The following N4BP2 variants were observed in gnomAD, a reference collection of about 807,000 sequenced individuals.
The protein encoded by N4BP2 is NEDD4 binding protein 2.
Under a neutral mutation model 152.8 loss-of-function variants are expected in N4BP2, and 91 were observed. The observed-to-expected ratio is 0.60, with a 90% CI of 0.50 to 0.71. The LOEUF (loss-of-function observed/expected upper bound fraction) is 0.71, where lower values mean the gene tolerates loss of function less well. N4BP2 is among the 30% of genes least tolerant of loss of function. The pLI is 0.00. For missense variants in N4BP2, 1,923 were observed against 2,059.1 expected (o/e 0.93, Z 1.28); for synonymous variants, 646 against 705.3 (o/e 0.92, Z 1.33).
Position 40,117,326 on chromosome 4 carries a change from C to A in N4BP2, c.1665-543C>A, listed in dbSNP as rs547348452. On this transcript the variant is annotated intron_variant, in intron 7 of 17. Coordinates refer to ENST00000261435, the MANE Select transcript of N4BP2 (RefSeq NM_018177.6). ...AGATCGAGGTAGGTAAATATGAAAG[C>A]CAGATTTGCCCAACTGGCAAATGCA... 2.0e-5 allele frequency among the ~76,000 whole-genome samples: 3 copies of A among 152,190 alleles called. No homozygotes were observed. In the South Asian group the frequency reaches 6.2e-4, roughly 31 times the overall value.
intron 14 of N4BP2, among the ~76,000 whole-genome samples, chr4:40,137,873 TG>T (rs1719549005): frequency 6.6e-6 from 1 of 152,190 alleles, no homozygotes; most frequent in Admixed American, 6.5e-5. Flanking sequence ...CCTGGTTGTC[TG>T]ATACTCGGGG....
chr4:40,121,914 A>G lies in N4BP2; in HGVS notation c.3803A>G (p.Asn1268Ser), dbSNP rs954799225. Reference sequence around the variant, plus strand: ...AAAGATATGAGTGAAACAGAAAAAAACCTAGTAGTCACAGAGACTGGAGAC... The same window carrying G: ...AAAGATATGAGTGAAACAGAAAAAAGCCTAGTAGTCACAGAGACTGGAGAC... ...TPKDMSETEKNLVVTETGDNI... is the reference protein window; with the variant it reads ...TPKDMSETEKSLVVTETGDNI... Residue 1268 changes from asparagine to serine, a missense_variant, in exon 9 of 18, where the codon AAC becomes AGC. Physicochemically the swap from Asn to Ser is conservative, Grantham distance 46 (BLOSUM62 1). Transcript: ENST00000261435. The G allele has an allele frequency of 5.0e-6, 8 of 1,593,002 alleles. No homozygotes were observed. Among genetic ancestry groups the G allele is most frequent in the South Asian group, 1.1e-5 (1 of 88,082 alleles).
intron 12 of N4BP2, among the ~76,000 whole-genome samples, chr4:40,129,020 T>G (rs982169257): frequency 5.9e-5 from 9 of 152,122 alleles, no homozygotes; most frequent in Non-Finnish European, 1.2e-4. Flanking sequence ...TACTCCTTTT[T>G]TTTGCTATCA....
At chr4:40,108,668 G>C (rs1049208565) in intron 5 of N4BP2, among the ~76,000 whole-genome samples, 2 of 152,160 alleles carry the variant, frequency 1.3e-5, no homozygotes, top group African/African-American at 4.8e-5. Flanking sequence ...TCTCTAAACT[G>C]AATCTGTGGG....
chr4:40,097,532 T>C lies in N4BP2; in HGVS notation c.192T>C (p.Asp64=), dbSNP rs1188117554. The change falls in exon 3 of 18, where the codon GAT becomes GAC. Residue 64 remains aspartate (D), a synonymous_variant. Transcript: ENST00000261435. ...ISEIFSDLDP[D]VVYLMLSECD... ...AGATATTTTCTGATCTGGATCCTGA[T>C]GTAGTGTATTTGATGCTTTCTGAAT... is the stretch of plus-strand genomic sequence containing the variant. 6.2e-7 allele frequency: 1 copy of C among 1,613,518 alleles called. No homozygotes were observed. Among genetic ancestry groups the C allele is most frequent in the African/African-American group, 1.3e-5 (1 of 74,924 alleles).
chr4:40,109,339 T>G (rs1468835784), intron 5 of N4BP2, among the ~76,000 whole-genome samples: 2 of 152,202 alleles, frequency 1.3e-5, no homozygotes, highest in African/African-American at 4.8e-5. Context: ...TTACTTATAC[T>G]TTCCAAGGCC....
At chr4:40,144,084 G>T (rs1052531452) in intron 15 of N4BP2, among the ~76,000 whole-genome samples, 3 of 152,080 alleles carry the variant, frequency 2.0e-5, no homozygotes, top group Non-Finnish European at 4.4e-5. Context: ...GAGGCAGCTG[G>T]TGCAGGTTCC....
chr4:40,188,300 A>G, the N4BP2 span, among the ~76,000 whole-genome samples: 1 of 146,226 alleles, frequency 6.8e-6, no homozygotes, highest in Non-Finnish European at 1.5e-5. Flanking sequence ...AAGGTAGACT[A>G]TGGAATCACA....
rs749755513 is a variant in N4BP2 at position 40,144,785 on chromosome 4, G to C, written c.5128G>C (p.Glu1710Gln). ...EALEHLMRVL[E>Q]KKTEEFKQNG... Reference sequence around the variant, plus strand: ...TCTAGAACATTTGATGAGAGTTTTAGAGAAGAAGACTGAAGGTAGGACTGT... The same window carrying C: ...TCTAGAACATTTGATGAGAGTTTTACAGAAGAAGACTGAAGGTAGGACTGT... The change falls in exon 16 of 18, where the codon GAG becomes CAG. Residue 1710 changes from glutamate (E) to glutamine (Q), a missense_variant. By Grantham distance (29) the Glu-to-Gln change is conservative. Transcript: ENST00000261435. The C allele has an allele frequency of 6.2e-7, 1 of 1,611,234 alleles. No individual in the cohort carries two copies. The highest frequency in any genetic ancestry group is 1.3e-5 in the African/African-American group (1 of 74,946).
chr4:40,188,982 TA>T, the N4BP2 span, among the ~76,000 whole-genome samples: 6 of 150,510 alleles, frequency 4.0e-5, no homozygotes, highest in South Asian at 1.3e-3. Context: ...CCGTCTCTAC[TA>T]AAAATACAAA....
At chr4:40,101,466 A>G (rs763593035) in intron 3 of N4BP2, among the ~76,000 whole-genome samples, 3 of 152,222 alleles carry the variant, frequency 2.0e-5, no homozygotes, top group Non-Finnish European at 2.9e-5. Flanking sequence ...AAAAGTGTGC[A>G]TTATTTAATC....
At chr4:40,113,378 T>C (rs1717067307) in intron 6 of N4BP2, 54 bp from the exon 7 acceptor site, 2 of 1,289,344 alleles carry the variant, frequency 1.6e-6, no homozygotes, top group Non-Finnish European at 2.2e-6. Flanking sequence ...AAACAATAAT[T>C]TTAATTTCTT....
At position 40,102,237 on chromosome 4, in the gene N4BP2, A is replaced by T. The variant is rs758757611; in HGVS notation, c.392A>T (p.Asp131Val). The part of the protein sequence containing the change: ...PEEESEDSKM[D>V]SFLDMQLTED... The stretch of plus-strand genomic sequence containing the variant: ...GAAGAGAGTGAAGATTCAAAAATGG[A>T]TTCATTTTTGGACATGCAGCTAACT... Residue 131 changes from aspartate (D) to valine (V), a missense_variant, in exon 4 of 18, where the codon GAT (aspartate) becomes GTT (valine). By Grantham distance (152) the Asp-to-Val change is radical. Coordinates refer to ENST00000261435, the MANE Select transcript of N4BP2 (RefSeq NM_018177.6). 1 of 1,613,990 alleles carries T rather than the reference A, an allele frequency of 6.2e-7. No individual in the cohort carries two copies. The highest frequency in any genetic ancestry group is 1.1e-5 in the South Asian group (1 of 91,072).
chr4:40,170,114 TTAAAA>T, the N4BP2 span, among the ~76,000 whole-genome samples: 2 of 152,054 alleles, frequency 1.3e-5, no homozygotes, highest in Non-Finnish European at 2.9e-5. Context: ...CTTTTAAAAA[TTAAAA>T]TATACATTTA....
At chr4:40,117,006 ATC>A (rs1333616686) in intron 7 of N4BP2, among the ~76,000 whole-genome samples, 1 of 152,072 alleles carries the variant, frequency 6.6e-6, no homozygotes, top group East Asian at 1.9e-4. Context: ...TTTTAATATC[ATC>A]TCTTTGTCTT....
At position 40,156,141 on chromosome 4, in the gene N4BP2, G is replaced by A. The variant is rs973335396; in HGVS notation, c.*1904G>A. 1 of 152,024 alleles carries A rather than the reference G, an allele frequency of 6.6e-6. No homozygotes were observed. The highest frequency in any genetic ancestry group is 2.1e-4 in the South Asian group (1 of 4,828). 9.4% of individuals were successfully genotyped at this position (152,024 alleles called of 1,614,324 possible). ...ATGTATACATTAGTATGATTTAAGG[G>A]TATGAAAAACAGTGCTAAAATGTGG... On this transcript the variant is annotated 3_prime_UTR_variant, in exon 18 of 18. Transcript: ENST00000261435.
Position 40,124,217 on chromosome 4 carries a change from G to A in N4BP2, c.4330+12G>A. ...CAAGTTTATGCAAGGTAAAGCACAT[G>A]TTTTTATTTCTAATGTCTTAATGTT... On this transcript the variant is annotated intron_variant, in intron 11 of 17. Transcript: ENST00000261435. 1 of 1,592,444 alleles carries A rather than the reference G, an allele frequency of 6.3e-7. No homozygotes were observed. Among genetic ancestry groups the A allele is most frequent in the Non-Finnish European group, 8.6e-7 (1 of 1,164,608 alleles).
the N4BP2 span, among the ~76,000 whole-genome samples, chr4:40,179,100 A>G: frequency 6.6e-6 from 1 of 152,236 alleles, no homozygotes; most frequent in East Asian, 1.9e-4. Context: ...TGGGCGCAGC[A>G]GCTCATGCCT....
intron 2 of N4BP2, among the ~76,000 whole-genome samples, chr4:40,082,275 CAAA>C (rs370100487): frequency 1.1e-5 from 1 of 95,052 alleles, no homozygotes; most frequent in Non-Finnish European, 2.0e-5. Context: ...GACCCTGTCT[CAAA>C]AAAAAAAAAA....
Sources: allele counts gnomAD v4.1 joint callset (sites outside exome capture counted in the v4.1 genomes callset), GRCh38; gene constraint gnomAD v4.1.1; transcripts MANE v1.5; gene names NCBI Gene and HGNC (gene_info 2026-07-23, HGNC 2026-07-21).